Variants in NSMAF observed in about 807,000 individuals in gnomAD.
NSMAF encodes neutral sphingomyelinase activation associated factor.
In NSMAF, 90 loss-of-function variants were observed where a neutral mutation model predicts 134.9. The ratio of observed to expected loss-of-function variants is 0.67; its 90% CI spans 0.56 to 0.79. The LOEUF is 0.79. Among genes scored for constraint, NSMAF ranks in the 30% least tolerant of loss-of-function variants. The pLI is 0.00. For missense variants in NSMAF, 1,010 were observed against 1,119.0 expected (o/e 0.90, Z 1.39); for synonymous variants, 358 against 389.6 (o/e 0.92, Z 0.96).
intron 21 of NSMAF, 83 bp from the exon 22 acceptor site, chr8:58,595,742 A>C: frequency 1.2e-6 from 1 of 825,570 alleles, no homozygotes; most frequent in Non-Finnish European, 2.1e-6. Context: ...TTTTCTATTA[A>C]AATCAAACAA....
chr8:58,636,947 CTTTA>C (rs766452658), intron 2 of NSMAF, among the ~76,000 whole-genome samples: 17 of 152,142 alleles, frequency 1.1e-4, no homozygotes, highest in Non-Finnish European at 2.1e-4. Context: ...GATTCTTTAC[CTTTA>C]TTTATCAAGT....
intron 9 of NSMAF, among the ~76,000 whole-genome samples, chr8:58,621,334 C>CT (rs1462888220): frequency 6.6e-6 from 1 of 152,136 alleles, no homozygotes; most frequent in Non-Finnish European, 1.5e-5. Context: ...ACCACATTTT[C>CT]TTTTATCCAG....
At chr8:58,620,467 T>C (rs4738697) in intron 9 of NSMAF, among the ~76,000 whole-genome samples, 3,262 of 152,310 alleles carry the variant, frequency 0.021, 103 homozygotes, top group Admixed American at 0.073. Flanking sequence ...TTAAGGTGTT[T>C]AGGCTTTATC....
At position 58,585,894 on chromosome 8, in the gene NSMAF, A is replaced by G. The variant is rs370192430; in HGVS notation, c.2549+4T>C. 3.2e-5 allele frequency: 52 copies of G among 1,611,906 alleles called. No individual in the cohort carries two copies. The Admixed American group carries it at 6.3e-4, about 20-fold the overall frequency. On this transcript the variant is annotated splice_donor_region_variant and intron_variant, in intron 29 of 30. Coordinates refer to ENST00000038176, the MANE Select transcript of NSMAF (RefSeq NM_003580.4). ...CTTCGCCCCCAGTAACTCACAAACTATACCTCTGGGGCTCATCTGATGTCA... is the reference window on the plus strand; with the variant it reads ...CTTCGCCCCCAGTAACTCACAAACTGTACCTCTGGGGCTCATCTGATGTCA...
At chr8:58,616,352 TA>T (rs1356337577) in intron 9 of NSMAF, among the ~76,000 whole-genome samples, 1 of 152,014 alleles carries the variant, frequency 6.6e-6, no homozygotes, top group Admixed American at 6.6e-5. Context: ...AATATAGATA[TA>T]AAAATACTAG....
intron 1 of NSMAF, among the ~76,000 whole-genome samples, chr8:58,655,444 G>A (rs529112795): frequency 2.6e-5 from 4 of 151,102 alleles, no homozygotes; most frequent in African/African-American, 9.7e-5. Flanking sequence ...GTGTCACCCA[G>A]GCTGGGGTGC....
intron 9 of NSMAF, among the ~76,000 whole-genome samples, chr8:58,612,982 T>C (rs926686952): frequency 1.3e-5 from 2 of 152,078 alleles, no homozygotes; most frequent in African/African-American, 4.8e-5. Context: ...AAAAACACCC[T>C]TCGAAAATGA....
At chr8:58,653,630 C>T (rs1417881760) in intron 1 of NSMAF, among the ~76,000 whole-genome samples, 3 of 151,504 alleles carry the variant, frequency 2.0e-5, no homozygotes, top group Non-Finnish European at 2.9e-5. Context: ...GATAACAATT[C>T]TAAGTTACTT....
intron 2 of NSMAF, among the ~76,000 whole-genome samples, chr8:58,637,049 C>G (rs1807192292): frequency 6.6e-6 from 1 of 152,048 alleles, no homozygotes; most frequent in Admixed American, 6.5e-5. Context: ...CACCCACACA[C>G]AAACACACAT....
In NSMAF at chr8:58,609,743, G is replaced by C. The variant is rs755492389; in HGVS notation, c.558-10C>G. ...AGAAATGTTTTGGAACCTGAAAATA[G>C]GTTTTTCAGCAAAAGTAAGAAAAAT... is the stretch of plus-strand genomic sequence containing the variant. On this transcript the variant is annotated splice_polypyrimidine_tract_variant and intron_variant, in intron 9 of 30. Transcript: ENST00000038176. The C allele has an allele frequency of 3.1e-6, 5 of 1,613,248 alleles. No individual in the cohort carries two copies. The highest frequency in any genetic ancestry group is 4.2e-6 in the Non-Finnish European group (5 of 1,179,780).
At chr8:58,615,402 T>A (rs1258068657) in intron 9 of NSMAF, among the ~76,000 whole-genome samples, 1 of 152,214 alleles carries the variant, frequency 6.6e-6, no homozygotes, top group Non-Finnish European at 1.5e-5. Flanking sequence ...CAATGGCATG[T>A]GAAATGTTCA....
chr8:58,598,967 A>C (rs1359062593), intron 19 of NSMAF, among the ~76,000 whole-genome samples: 1 of 152,194 alleles, frequency 6.6e-6, no homozygotes, highest in Non-Finnish European at 1.5e-5. Flanking sequence ...CGGAGGTTGC[A>C]GTAAGCCAAG....
intron 1 of NSMAF, among the ~76,000 whole-genome samples, chr8:58,654,857 C>T (rs1807666639): frequency 6.6e-6 from 1 of 152,112 alleles, no homozygotes; most frequent in South Asian, 2.1e-4. Context: ...ATTTTTGAAA[C>T]AAAGTCTCAC....
At chr8:58,608,796 T>C (rs929681247) in intron 10 of NSMAF, among the ~76,000 whole-genome samples, 2 of 152,084 alleles carry the variant, frequency 1.3e-5, no homozygotes, top group Admixed American at 1.3e-4. Context: ...TCAGGAGAGT[T>C]TGAGATGTTT....
At chr8:58,589,897 A>C in intron 25 of NSMAF, 110 bp downstream of exon 25, 1 of 844,562 alleles carries the variant, frequency 1.2e-6, no homozygotes, top group African/African-American at 1.7e-5. Flanking sequence ...TTCCCTTTAG[A>C]AAACAGTGCT....
rs757619465 is a variant in NSMAF, at chr8:58,659,647, G to A, written c.-16C>T. ...TAAACGCCATGGAGGGTAGGCGCGGGCGGGCGCAGAGCGCACAGGCAGGCC... is the reference window on the plus strand; with the variant it reads ...TAAACGCCATGGAGGGTAGGCGCGGACGGGCGCAGAGCGCACAGGCAGGCC... On this transcript the variant is annotated 5_prime_UTR_variant, in exon 1 of 31. Transcript: ENST00000038176. 2 of 1,424,074 alleles carry A rather than the reference G, an allele frequency of 1.4e-6. No individual in the cohort carries two copies. Among genetic ancestry groups the A allele is most frequent in the Non-Finnish European group, 9.2e-7 (1 of 1,089,770 alleles). 88.2% of individuals were successfully genotyped at this position (1,424,074 alleles called of 1,614,324 possible).
chr8:58,655,084 C>G (rs1807672525), intron 1 of NSMAF, among the ~76,000 whole-genome samples: 1 of 151,970 alleles, frequency 6.6e-6, no homozygotes, highest in South Asian at 2.1e-4. Context: ...AGTGATCCAC[C>G]CACCTTGGCC....
chr8:58,645,842 A>C (rs1807438436), intron 1 of NSMAF, among the ~76,000 whole-genome samples: 1 of 152,118 alleles, frequency 6.6e-6, no homozygotes, highest in African/African-American at 2.4e-5. Context: ...GGAGTTCGAG[A>C]CCAGCCTGGT....
intron 9 of NSMAF, among the ~76,000 whole-genome samples, chr8:58,620,837 T>G (rs894844880): frequency 6.6e-6 from 1 of 152,156 alleles, no homozygotes; most frequent in Non-Finnish European, 1.5e-5. Context: ...GAAAATGCAA[T>G]GGCAGTAAAA....
Sources: allele counts gnomAD v4.1 joint callset (sites outside exome capture counted in the v4.1 genomes callset), GRCh38; gene constraint gnomAD v4.1.1; transcripts MANE v1.5; gene names NCBI Gene and HGNC (gene_info 2026-07-23, HGNC 2026-07-21).